The following PCCB variants were observed in gnomAD, a reference collection of about 807,000 sequenced individuals.
The protein encoded by PCCB is propionyl-CoA carboxylase subunit beta.
Under a neutral mutation model 60.7 loss-of-function variants are expected in PCCB, and 43 were observed. The ratio of observed to expected loss-of-function variants is 0.71; its 90% CI spans 0.55 to 0.91. The LOEUF (loss-of-function observed/expected upper bound fraction) is 0.91, where lower values mean the gene tolerates loss of function less well. Among genes scored for constraint, PCCB ranks in the 40% least tolerant of loss-of-function variants. The probability of loss-of-function intolerance (pLI) is 0.00; values close to 1 mark genes in which losing one functional copy is unlikely to be tolerated. For missense variants in PCCB, 766 were observed against 702.8 expected, an observed-to-expected ratio of 1.09 and a Z score of -1.02; for synonymous variants, 276 against 255.9, an observed-to-expected ratio of 1.08 and a Z score of -0.75.
In PCCB at chr3:136,302,238, G is replaced by A. The variant is rs75952291; in HGVS notation, c.966+1127G>A. ...AAATATCTGTCATGGAGCTGGGGTG[G>A]GGGATGGGTAGCTGCTACTATGCTA... On this transcript the variant is annotated intron_variant, in intron 9 of 14. Transcript: ENST00000251654. 0.037 allele frequency among the ~76,000 whole-genome samples: 2,499 copies of A among 68,032 alleles called. 405 individuals carry two copies. In the East Asian group the frequency reaches 0.69, roughly 19 times the overall value. 44.6% of individuals were successfully genotyped at this position (68,032 alleles called of 152,430 possible). A position where few individuals can be genotyped will look rare whatever the true frequency, so the allele number is the denominator to read the frequency against.
chr3:136,310,577 G>A (rs1370820261), intron 9 of PCCB, among the ~76,000 whole-genome samples: 1 of 152,178 alleles, frequency 6.6e-6, no homozygotes, highest in Non-Finnish European at 1.5e-5. Flanking sequence ...AGACCTTTAA[G>A]GGCCAAATAG....
intron 5 of PCCB, among the ~76,000 whole-genome samples, chr3:136,272,634 G>A (rs1942229747): frequency 6.6e-6 from 1 of 152,044 alleles, no homozygotes; most frequent in Admixed American, 6.6e-5. Context: ...GTTTGTGTGT[G>A]TAAAGATGTT....
intron 5 of PCCB, among the ~76,000 whole-genome samples, chr3:136,281,773 C>T (rs549086630): frequency 3.9e-5 from 6 of 152,048 alleles, no homozygotes; most frequent in East Asian, 3.9e-4. Flanking sequence ...CAGGAATAGC[C>T]GATTTTTGCT....
chr3:136,259,118 A>G (rs1166437947), intron 3 of PCCB: 7 of 1,424,576 alleles, frequency 4.9e-6, no homozygotes, highest in Non-Finnish European at 6.4e-6. Flanking sequence ...AAGATCCATA[A>G]GCAGAAGAAG....
At chr3:136,316,541 C>T (rs753991502) in intron 9 of PCCB, among the ~76,000 whole-genome samples, 2 of 152,134 alleles carry the variant, frequency 1.3e-5, no homozygotes, top group Non-Finnish European at 2.9e-5. Context: ...GTCTTGAACT[C>T]CTGGCCTCAG....
intron 1 of PCCB, chr3:136,251,144 C>G (rs1217888343): frequency 4.5e-6 from 2 of 447,794 alleles, no homozygotes; most frequent in Non-Finnish European, 4.5e-6. Context: ...AGGCACGTGT[C>G]GGAAGCAGGT....
intron 8 of PCCB, among the ~76,000 whole-genome samples, chr3:136,298,744 C>G (rs987822631): frequency 7.9e-5 from 12 of 152,186 alleles, no homozygotes; most frequent in African/African-American, 2.9e-4. Context: ...AACTGCTCCA[C>G]ACCTCTAGCC....
intron 10 of PCCB, among the ~76,000 whole-genome samples, chr3:136,324,573 A>G (rs1018382881): frequency 1.3e-5 from 2 of 151,570 alleles, no homozygotes; most frequent in Non-Finnish European, 2.9e-5. Flanking sequence ...TTTTGAATGC[A>G]CTAATTTCCT....
intron 5 of PCCB, among the ~76,000 whole-genome samples, chr3:136,280,132 T>C (rs1942438118): frequency 6.6e-6 from 1 of 152,184 alleles, no homozygotes; most frequent in African/African-American, 2.4e-5. Flanking sequence ...CATTTATTAG[T>C]GTTCTTTATT....
At position 136,256,621 on chromosome 3, in the gene PCCB, C is replaced by CA; in HGVS notation, c.371dup (p.Asp125GlyfsTer36). On this transcript the variant is annotated frameshift_variant and splice_region_variant, in exon 3 of 15. Coordinates refer to ENST00000251654, the MANE Select transcript of PCCB (RefSeq NM_000532.5). LOFTEE classifies it high-confidence loss of function. ...TGGAAGATTGGTTTATGTCTTCAGT[C>CA]AGGTATTTCATAACTCCAATAGTCT... is the stretch of plus-strand genomic sequence containing the variant. The CA allele has an allele frequency of 6.2e-7, 1 of 1,604,014 alleles. No homozygotes were observed. The highest frequency in any genetic ancestry group is 1.1e-5 in the South Asian group (1 of 90,850).
In PCCB at chr3:136,260,476, T is replaced by C. The variant is rs1941791113; in HGVS notation, c.373-3T>C. 1.2e-6 allele frequency: 2 copies of C among 1,611,868 alleles called. No individual in the cohort carries two copies. Among genetic ancestry groups the C allele is most frequent in the African/African-American group, 1.3e-5 (1 of 74,912 alleles). ...GACTTGCTGATTTGTATTTTCTTTT[T>C]AGGATTTTACAGTTTTTGGAGGCAG... On this transcript the variant is annotated splice_polypyrimidine_tract_variant and splice_region_variant and intron_variant, in intron 3 of 14. Coordinates refer to ENST00000251654, the MANE Select transcript of PCCB (RefSeq NM_000532.5).
At chr3:136,254,772 A>T (rs575048030) in intron 1 of PCCB, among the ~76,000 whole-genome samples, 1 of 144,780 alleles carries the variant, frequency 6.9e-6, no homozygotes, top group Admixed American at 6.9e-5. Flanking sequence ...GGCTCAAGCG[A>T]TGCTCGTCTC....
chr3:136,260,001 C>A, intron 3 of PCCB: 1 of 230,692 alleles, frequency 4.3e-6, no homozygotes, highest in Non-Finnish European at 8.6e-6. Flanking sequence ...ATCCTCCTGC[C>A]TTGGCCTCTC....
At chr3:136,264,251 A>G (rs1474547666) in intron 5 of PCCB, among the ~76,000 whole-genome samples, 1 of 151,914 alleles carries the variant, frequency 6.6e-6, no homozygotes, top group Admixed American at 6.6e-5. Flanking sequence ...GAATAAAGAT[A>G]TTCTCTTAAA....
chr3:136,290,986 T>C (rs1276608404), intron 6 of PCCB, among the ~76,000 whole-genome samples: 1 of 152,108 alleles, frequency 6.6e-6, no homozygotes, highest in Non-Finnish European at 1.5e-5. Context: ...GCATGCCCAG[T>C]CTACCAAAAA....
intron 11 of PCCB, 112 bp from the exon 12 acceptor site, chr3:136,327,043 G>A (rs1328152038): frequency 3.5e-6 from 4 of 1,157,362 alleles, no homozygotes; most frequent in Admixed American, 1.7e-5. Context: ...CCAGAAGATA[G>A]GGCTGTGTAA....
intron 5 of PCCB, among the ~76,000 whole-genome samples, chr3:136,265,846 G>A (rs1941968312): frequency 6.8e-6 from 1 of 148,072 alleles, no homozygotes; most frequent in South Asian, 2.1e-4. Context: ...TTTTTTTTGA[G>A]ACAGAGTCTT....
chr3:136,254,738 T>C (rs1390205552), intron 1 of PCCB, among the ~76,000 whole-genome samples: 2 of 149,924 alleles, frequency 1.3e-5, no homozygotes, highest in African/African-American at 2.5e-5. Context: ...TTTGCCATGT[T>C]GTCCAGCTGG....
At chr3:136,300,056 A>G (rs1343873011) in intron 8 of PCCB, among the ~76,000 whole-genome samples, 1 of 151,884 alleles carries the variant, frequency 6.6e-6, no homozygotes, top group Non-Finnish European at 1.5e-5. Context: ...GCCCACACAC[A>G]TGCATATCAA....
Sources: gnomAD v4.1 joint callset for allele counts (sites outside exome capture counted in the v4.1 genomes callset) on GRCh38, gnomAD v4.1.1 for gene constraint, MANE v1.5 for transcripts, NCBI Gene and HGNC (gene_info 2026-07-23, HGNC 2026-07-21) for gene names.